Variants in GPM6A observed in about 807,000 individuals in gnomAD.
GPM6A encodes the protein neuronal membrane glycoprotein M6-a.
In GPM6A, 7 loss-of-function variants were observed where a neutral mutation model predicts 32.1. That is an observed-to-expected ratio of 0.22 (90% CI 0.12 to 0.41). The LOEUF (loss-of-function observed/expected upper bound fraction) is 0.41, where lower values mean the gene tolerates loss of function less well. GPM6A is among the 10% of genes least tolerant of loss of function. The probability of loss-of-function intolerance (pLI) is 1.00; values close to 1 mark genes in which losing one functional copy is unlikely to be tolerated. For missense variants in GPM6A, 235 were observed against 347.2 expected, an observed-to-expected ratio of 0.68 and a Z score of 2.57; for synonymous variants, 130 against 123.4, an observed-to-expected ratio of 1.05 and a Z score of -0.35.
At chr4:175,639,954 G>T (rs1281336287) in intron 6 of GPM6A, among the ~76,000 whole-genome samples, 175 bp downstream of exon 6, 1 of 151,118 alleles carries the variant, frequency 6.6e-6, no homozygotes, top group Non-Finnish European at 1.5e-5. Context: ...AATATTTCTT[G>T]GGGTTTAGTC....
chr4:175,708,138 G>A (rs189322462), intron 1 of GPM6A, among the ~76,000 whole-genome samples: 1 of 152,250 alleles, frequency 6.6e-6, no homozygotes, highest in African/African-American at 2.4e-5. Flanking sequence ...TGCTTTCATT[G>A]TAGAGGTGCA....
intron 1 of GPM6A, among the ~76,000 whole-genome samples, chr4:175,926,256 A>G (rs1191209772): frequency 6.6e-6 from 1 of 152,200 alleles, no homozygotes. Context: ...AGTATCCAAT[A>G]AAAGGAATGC....
intron 1 of GPM6A, among the ~76,000 whole-genome samples, chr4:175,786,398 A>G (rs1256930516): frequency 1.3e-5 from 2 of 151,466 alleles, no homozygotes; most frequent in African/African-American, 4.9e-5. Flanking sequence ...CCTCCCTCCA[A>G]TTACATCAAT....
chr4:175,750,333 C>T (rs977917314), intron 1 of GPM6A, among the ~76,000 whole-genome samples: 1 of 152,122 alleles, frequency 6.6e-6, no homozygotes, highest in African/African-American at 2.4e-5. Context: ...GTTGGGATTA[C>T]AGGTGTGAGC....
rs182832335 is a variant in GPM6A at position 175,663,850 on chromosome 4, C to T, written c.387+9830G>A. Among the ~76,000 whole-genome samples, 26 of 152,028 alleles carry T rather than the reference C, an allele frequency of 1.7e-4. No homozygotes were observed. In the East Asian group the frequency reaches 4.3e-3, roughly 25 times the overall value. On this transcript the variant is annotated intron_variant, in intron 3 of 6. Transcript: ENST00000393658. ...CTGGGACTACAGGCGCCCGCCACTA[C>T]GCCCGGCTAATTTTTGTATTCTTAG...
intron 1 of GPM6A, among the ~76,000 whole-genome samples, chr4:175,764,296 T>C (rs939367736): frequency 2.0e-5 from 3 of 152,220 alleles, no homozygotes; most frequent in African/African-American, 7.2e-5. Context: ...ACTTCTTTAA[T>C]TTAGCAAAAC....
intron 1 of GPM6A, among the ~76,000 whole-genome samples, chr4:175,878,929 C>T (rs992946421): frequency 6.6e-6 from 1 of 152,144 alleles, no homozygotes; most frequent in Non-Finnish European, 1.5e-5. Context: ...TTAACAGCAC[C>T]CAAGTCACCC....
chr4:175,652,658 T>C (rs549059046), intron 3 of GPM6A, among the ~76,000 whole-genome samples: 22 of 152,196 alleles, frequency 1.4e-4, no homozygotes, highest in African/African-American at 4.3e-4. Context: ...TTAATATTTA[T>C]AAAGTGTATA....
intron 1 of GPM6A, among the ~76,000 whole-genome samples, chr4:175,870,571 T>C (rs1170402652): frequency 1.3e-5 from 2 of 152,230 alleles, no homozygotes; most frequent in Non-Finnish European, 2.9e-5. Flanking sequence ...ATGGCTCTCC[T>C]TATGGACTGC....
intron 1 of GPM6A, among the ~76,000 whole-genome samples, chr4:175,706,459 T>G (rs1745196528): frequency 6.6e-6 from 1 of 152,206 alleles, no homozygotes; most frequent in Admixed American, 6.5e-5. Flanking sequence ...AAATTGTGGA[T>G]TCTGGAAAAG....
chr4:175,821,498 G>A (rs1031500724), intron 1 of GPM6A, among the ~76,000 whole-genome samples: 20 of 151,936 alleles, frequency 1.3e-4, no homozygotes, highest in Non-Finnish European at 2.9e-4. Flanking sequence ...AGGGGGAGGT[G>A]AACTTATATT....
rs565997923 is a variant in GPM6A at position 175,849,099 on chromosome 4, G to A, written c.-22-36850C>T. On this transcript the variant is annotated intron_variant, in intron 1 of 7. Coordinates refer to the GPM6A transcript ENST00000280187. Reference sequence around the variant, plus strand: ...TTTATAAATTTGTATAGATTTAAGAGTGTAAAAATGTTTCTTATCCAGACA... The same window carrying A: ...TTTATAAATTTGTATAGATTTAAGAATGTAAAAATGTTTCTTATCCAGACA... 2.4e-4 allele frequency among the ~76,000 whole-genome samples: 36 copies of A among 152,248 alleles called. 2 individuals carry two copies. The highest frequency in any genetic ancestry group is 7.9e-4 in the African/African-American group (33 of 41,552).
At chr4:175,742,511 A>G (rs1374926876) in intron 1 of GPM6A, among the ~76,000 whole-genome samples, 2 of 152,148 alleles carry the variant, frequency 1.3e-5, no homozygotes, top group African/African-American at 4.8e-5. Flanking sequence ...TCCTCTTTCT[A>G]TTGAATTTCA....
At chr4:175,799,666 G>GTTTTTTTTTT (rs1553990612) in intron 1 of GPM6A, among the ~76,000 whole-genome samples, 3 of 115,002 alleles carry the variant, frequency 2.6e-5, no homozygotes, top group African/African-American at 2.8e-5. Context: ...AGTAGCAAGT[G>GTTTTTTTTTT]TTTTCTTTTT....
chr4:175,702,980 C>G (rs1560885067), intron 1 of GPM6A, among the ~76,000 whole-genome samples: 1 of 152,162 alleles, frequency 6.6e-6, no homozygotes, highest in Non-Finnish European at 1.5e-5. Flanking sequence ...ACATTGGACA[C>G]ACCAATCCCT....
At chr4:175,864,358 G>A (rs114785956) in intron 1 of GPM6A, among the ~76,000 whole-genome samples, 4,447 of 152,156 alleles carry the variant, frequency 0.029, 207 homozygotes, top group African/African-American at 0.1. Flanking sequence ...TGTAGAGACA[G>A]GGTTTCACCA....
chr4:175,703,854 C>T (rs944761472), intron 1 of GPM6A, among the ~76,000 whole-genome samples: 7 of 152,120 alleles, frequency 4.6e-5, no homozygotes, highest in African/African-American at 1.7e-4. Flanking sequence ...AGCCACCCCA[C>T]CCCTCAGATA....
chr4:175,968,255 A>C (rs1740391526), intron 1 of GPM6A, among the ~76,000 whole-genome samples: 1 of 152,184 alleles, frequency 6.6e-6, no homozygotes, highest in Non-Finnish European at 1.5e-5. Flanking sequence ...GAGTTATTAT[A>C]GCTTTCACAG....
intron 1 of GPM6A, among the ~76,000 whole-genome samples, chr4:175,936,260 C>T (rs182189855): frequency 9.8e-5 from 12 of 122,402 alleles, no homozygotes; most frequent in Non-Finnish European, 1.9e-4. Context: ...GAGCCAAGAT[C>T]GCGCCACTGC....
Sources: allele counts gnomAD v4.1 joint callset (sites outside exome capture counted in the v4.1 genomes callset), GRCh38; gene constraint gnomAD v4.1.1; transcripts MANE v1.5; gene names NCBI Gene and HGNC (gene_info 2026-07-23, HGNC 2026-07-21).